GRAMD2A: variants seen among roughly 807,000 people sequenced by gnomAD.
The protein encoded by GRAMD2A is GRAM domain containing 2A, also known as GRAM domain-containing protein 2A.
A neutral mutation model predicts 51.1 loss-of-function variants in GRAMD2A; 37 were observed. That is an observed-to-expected ratio of 0.72 (90% CI 0.56 to 0.95). GRAMD2A has a LOEUF of 0.95. Ranked by LOEUF, GRAMD2A falls within the 40% of genes least tolerant of loss-of-function variation. The pLI is 0.00. For missense variants in GRAMD2A, 414 were observed against 426.9 expected (o/e 0.97, Z 0.27); for synonymous variants, 136 against 157.1 (o/e 0.87, Z 1.01).
rs2140545548 is a variant in GRAMD2A at position 72,166,662 on chromosome 15, G to A, written c.513C>T (p.Asp171=). ...VSLLSRDSVY[D]LLRRVCTHLQ... is the part of the protein sequence containing the mutation. ...GGTGGGTGCAGACTCTCCTCAGCAGGTCATATACACTGTCCCGGGAGAGCA... is the reference window on the plus strand; with the variant it reads ...GGTGGGTGCAGACTCTCCTCAGCAGATCATATACACTGTCCCGGGAGAGCA... Residue 171 remains aspartate, a synonymous_variant, in exon 7 of 12, where the codon GAC becomes GAT. Transcript: ENST00000309731. This position sits in a 1 kb window ranked among gnomAD's most constrained non-coding sequence, Gnocchi z 4.1. 6.2e-7 allele frequency: 1 copy of A among 1,613,854 alleles called. No individual in the cohort carries two copies. Among genetic ancestry groups the A allele is most frequent in the Non-Finnish European group, 8.5e-7 (1 of 1,179,922 alleles).
intron 1 of GRAMD2A, among the ~76,000 whole-genome samples, chr15:72,184,048 A>T (rs906045208): frequency 2.0e-5 from 3 of 152,182 alleles, no homozygotes; most frequent in Non-Finnish European, 2.9e-5. Flanking sequence ...CCCTCGCGGG[A>T]AAAGACCACG....
chr15:72,179,140 C>T (rs1207541316), intron 1 of GRAMD2A, among the ~76,000 whole-genome samples: 2 of 152,192 alleles, frequency 1.3e-5, no homozygotes, highest in African/African-American at 2.4e-5. Context: ...AGGCCGGGAA[C>T]GGGCTTGCTC....
At chr15:72,165,511 A>C in intron 7 of GRAMD2A, 101 bp from the exon 8 acceptor site, 2 of 1,176,698 alleles carry the variant, frequency 1.7e-6, no homozygotes, top group Non-Finnish European at 2.5e-6. Flanking sequence ...ACCTCCAAAT[A>C]AGCCACTTTG....
chr15:72,163,709 T>A lies in GRAMD2A; in HGVS notation c.649A>T (p.Arg217Trp). 1 of 1,609,804 alleles carries A rather than the reference T, an allele frequency of 6.2e-7. No individual in the cohort carries two copies. Among genetic ancestry groups the A allele is most frequent in the African/African-American group, 1.3e-5 (1 of 74,720 alleles). The change falls in exon 9 of 12, where the codon AGG becomes TGG. Residue 217 changes from arginine to tryptophan, a missense_variant. Arg to Trp is a moderately radical substitution (Grantham distance 101). Transcript: ENST00000309731. ...MKWRKVCPSS[R>W]SLSLPDNIPC... is the part of the protein sequence containing the mutation. ...ATGTTGTCTGGGAGAGACAGGGACCTGGAGGAAGGGCATACCTTTCTCCAC... is the reference window on the plus strand; with the variant it reads ...ATGTTGTCTGGGAGAGACAGGGACCAGGAGGAAGGGCATACCTTTCTCCAC...
chr15:72,189,956 T>G (rs1397606746), intron 1 of GRAMD2A, among the ~76,000 whole-genome samples: 6 of 152,000 alleles, frequency 3.9e-5, no homozygotes, highest in Non-Finnish European at 7.4e-5. Context: ...TATAAAGAAA[T>G]AAATATTCGA....
rs2081453875 is a variant in GRAMD2A, at chr15:72,160,024, A to G, written c.*1985T>C. 1 of 152,250 alleles carries G rather than the reference A, an allele frequency of 6.6e-6. No homozygotes were observed. The highest frequency in any genetic ancestry group is 1.5e-5 in the Non-Finnish European group (1 of 68,158). The allele number at this position is 152,250 out of a possible 1,614,324, so 9.4% of individuals were successfully genotyped here. A position where few individuals can be genotyped will look rare whatever the true frequency, so the allele number is the denominator to read the frequency against. On this transcript the variant is annotated 3_prime_UTR_variant, in exon 12 of 12. Transcript: ENST00000309731. ...GGGGGACAACAGAGAGAAACAGAGCACTATCTGGAGGGACAGGCACACCCG... is the reference window on the plus strand; with the variant it reads ...GGGGGACAACAGAGAGAAACAGAGCGCTATCTGGAGGGACAGGCACACCCG...
In GRAMD2A at chr15:72,194,549, A is replaced by G. The variant is rs147208629; in HGVS notation, c.41+3182T>C. ...TATACAAAAGTGAAGGTTCCTTAAC[A>G]GAGTTCATGGTGGAGATAGTAGGCA... On this transcript the variant is annotated intron_variant, in intron 1 of 11. Transcript: ENST00000309731. 7.2e-5 allele frequency among the ~76,000 whole-genome samples: 11 copies of G among 152,350 alleles called. No individual in the cohort carries two copies. The East Asian group carries it at 1.9e-3, about 27-fold the overall frequency.
intron 1 of GRAMD2A, among the ~76,000 whole-genome samples, chr15:72,187,540 G>T (rs1274524557): frequency 6.6e-6 from 1 of 151,982 alleles, no homozygotes; most frequent in Non-Finnish European, 1.5e-5. Flanking sequence ...TTGAGACAGG[G>T]TATCACTCTG....
chr15:72,171,073 ACAGTG>A (rs1471555604), intron 1 of GRAMD2A, among the ~76,000 whole-genome samples: 1 of 152,226 alleles, frequency 6.6e-6, no homozygotes, highest in Non-Finnish European at 1.5e-5. Context: ...GTCCGGTCCT[ACAGTG>A]AACAGCCAGT....
chr15:72,191,302 C>A (rs1218202471), intron 1 of GRAMD2A, among the ~76,000 whole-genome samples: 1 of 151,918 alleles, frequency 6.6e-6, no homozygotes, highest in African/African-American at 2.4e-5. Context: ...CGAGTTCAAG[C>A]GATTCTCCTG....
At chr15:72,171,314 T>G (rs945962129) in intron 1 of GRAMD2A, among the ~76,000 whole-genome samples, 5 of 152,072 alleles carry the variant, frequency 3.3e-5, no homozygotes, top group African/African-American at 1.2e-4. Context: ...TTTTAAAGAT[T>G]ATAGAAAATA....
intron 11 of GRAMD2A, 86 bp from the exon 12 acceptor site, chr15:72,162,098 C>A (rs931706655): frequency 2.6e-6 from 4 of 1,546,998 alleles, no homozygotes; most frequent in Admixed American, 3.3e-5. Flanking sequence ...AACTTTACTT[C>A]CCCCAAGAGT....
chr15:72,168,410 G>T (rs370565302), intron 4 of GRAMD2A, 81 bp downstream of exon 4: 6 of 953,188 alleles, frequency 6.3e-6, no homozygotes, highest in Admixed American at 5.2e-5. Context: ...TTTCTAAGTC[G>T]TGCTTTGGAG....
At chr15:72,185,262 C>T (rs1392212600) in intron 1 of GRAMD2A, among the ~76,000 whole-genome samples, 2 of 150,186 alleles carry the variant, frequency 1.3e-5, no homozygotes, top group African/African-American at 2.5e-5. Context: ...GGCACCATCT[C>T]GGCTCACTGC....
rs779907591 is a variant in GRAMD2A, at chr15:72,162,254, G to C, written c.1061+19C>G. The stretch of plus-strand genomic sequence containing the variant: ...TCAACCCTCAATATCAAAGGCATTA[G>C]AAAGAGAAAAGGCCTCACCTGTGCC... On this transcript the variant is annotated intron_variant, in intron 11 of 11. Coordinates refer to ENST00000309731, the MANE Select transcript of GRAMD2A (RefSeq NM_001012642.3). 6.4e-7 allele frequency: 1 copy of C among 1,561,456 alleles called. No individual in the cohort carries two copies. The highest frequency in any genetic ancestry group is 1.1e-5 in the South Asian group (1 of 89,516).
At chr15:72,167,159 T>C in intron 5 of GRAMD2A, 67 bp from the exon 6 acceptor site, 1 of 1,203,738 alleles carries the variant, frequency 8.3e-7, no homozygotes, top group Non-Finnish European at 1.2e-6. Context: ...GCTCCCTGCC[T>C]AGGGACCCAG....
At chr15:72,182,949 G>A (rs539902512) in intron 1 of GRAMD2A, among the ~76,000 whole-genome samples, 3 of 152,152 alleles carry the variant, frequency 2.0e-5, no homozygotes, top group Non-Finnish European at 2.9e-5. Context: ...ATGGCTCGCT[G>A]CAGCCTCAAC....
chr15:72,172,418 C>CTTT (rs775170780), intron 1 of GRAMD2A, among the ~76,000 whole-genome samples: 1 of 138,068 alleles, frequency 7.2e-6, no homozygotes, highest in Non-Finnish European at 1.6e-5. Flanking sequence ...CATGCCTAGC[C>CTTT]TTTTTTTTTT....
chr15:72,185,730 G>A (rs2140558552), intron 1 of GRAMD2A, among the ~76,000 whole-genome samples: 1 of 152,306 alleles, frequency 6.6e-6, no homozygotes, highest in Admixed American at 6.5e-5. Context: ...AGACAGTCCA[G>A]AAAATGACCT....
Sources: allele counts gnomAD v4.1 joint callset (sites outside exome capture counted in the v4.1 genomes callset), GRCh38; gene constraint gnomAD v4.1.1; non-coding constraint Gnocchi (gnomAD v3.1); transcripts MANE v1.5; gene names NCBI Gene and HGNC (gene_info 2026-07-23, HGNC 2026-07-21).